GGACT: variants seen among roughly 807,000 people sequenced by gnomAD.
GGACT encodes gamma-glutamylamine cyclotransferase.
For missense variants in GGACT, 241 were observed against 233.2 expected (o/e 1.03, Z -0.22); for synonymous variants, 118 against 115.3 (o/e 1.02, Z -0.15).
Position 100,562,671 on chromosome 13 carries a change from C to T in GGACT, c.-11+21154G>A, listed in dbSNP as rs935034241. 3.3e-5 allele frequency among the ~76,000 whole-genome samples: 5 copies of T among 151,928 alleles called. No individual in the cohort carries two copies. In the South Asian group the frequency reaches 6.2e-4, roughly 19 times the overall value. On this transcript the variant is annotated intron_variant, in intron 2 of 2. Transcript: ENST00000683975. ...ATTAGCCAGGCATGGTGGTGCATGC[C>T]GGTAATCCCAGCTACTTGGGAGGCT...
intron 2 of GGACT, among the ~76,000 whole-genome samples, chr13:100,576,865 C>T (rs1462274927): frequency 6.6e-6 from 1 of 152,086 alleles, no homozygotes; most frequent in Non-Finnish European, 1.5e-5. Context: ...GTACAAGAAT[C>T]CACACATTTT....
At chr13:100,582,184 T>C (rs1432557197) in intron 2 of GGACT, among the ~76,000 whole-genome samples, 1 of 152,182 alleles carries the variant, frequency 6.6e-6, no homozygotes, top group Non-Finnish European at 1.5e-5. Flanking sequence ...TTAAAACAGC[T>C]AACCAGGGCT....
intron 2 of GGACT, among the ~76,000 whole-genome samples, chr13:100,580,742 G>A (rs767369477): frequency 3.9e-5 from 6 of 152,172 alleles, no homozygotes; most frequent in Non-Finnish European, 7.3e-5. Flanking sequence ...TCTGCACCCT[G>A]TAGATCTGAC....
intron 2 of GGACT, among the ~76,000 whole-genome samples, chr13:100,581,818 T>C (rs1377923775): frequency 1.3e-5 from 2 of 152,196 alleles, no homozygotes. Flanking sequence ...CTTGATACGA[T>C]GTAGCAAAAA....
Position 100,530,558 on chromosome 13 carries a change from T to C in GGACT, c.*1572A>G, listed in dbSNP as rs916608590. The stretch of plus-strand genomic sequence containing the variant: ...TTGATATAAATGTCAGTCAGTTCTC[T>C]GCCTTGCTTTATTAAATTAGCACTT... On this transcript the variant is annotated 3_prime_UTR_variant, in exon 3 of 3. Coordinates refer to ENST00000683975, the MANE Select transcript of GGACT (RefSeq NM_001195087.2). 10 of 314,500 alleles carry C rather than the reference T, an allele frequency of 3.2e-5. No homozygotes were observed. The highest frequency in any genetic ancestry group is 2.0e-4 in the African/African-American group (9 of 46,054). The allele number at this position is 314,500 out of a possible 1,614,324, so 19.5% of individuals were successfully genotyped here. A position where few individuals can be genotyped will look rare whatever the true frequency, so the allele number is the denominator to read the frequency against.
intron 2 of GGACT, among the ~76,000 whole-genome samples, chr13:100,552,506 G>T (rs1307344597): frequency 2.0e-5 from 3 of 152,214 alleles, no homozygotes; most frequent in African/African-American, 7.2e-5. Context: ...ATTCTGAGAT[G>T]TCAAGACGGT....
intron 2 of GGACT, among the ~76,000 whole-genome samples, chr13:100,577,261 C>T (rs553315211): frequency 1.3e-5 from 2 of 151,954 alleles, no homozygotes; most frequent in South Asian, 4.2e-4. Flanking sequence ...ACTATAAATA[C>T]AAAAATTAGC....
chr13:100,532,659 T>A, intron 2 of GGACT, 58 bp from the exon 3 acceptor site: 1 of 1,374,364 alleles, frequency 7.3e-7, no homozygotes. Context: ...TGTCTGCACC[T>A]GGGACGTGGC....
Position 100,545,922 on chromosome 13 carries a change from C to T in GGACT, c.-10-13321G>A, listed in dbSNP as rs2088599608. 2.0e-5 allele frequency among the ~76,000 whole-genome samples: 3 copies of T among 152,240 alleles called. No individual in the cohort carries two copies. The highest frequency in any genetic ancestry group is 7.2e-5 in the African/African-American group (3 of 41,468). ...AGCCAACCACATACTCGGAAAATGA[C>T]ACAGAAAGCCAGGGCAACCTGCTGG... On this transcript the variant is annotated intron_variant, in intron 2 of 2. Coordinates refer to ENST00000683975, the MANE Select transcript of GGACT (RefSeq NM_001195087.2). This position sits in a 1 kb window ranked among gnomAD's most constrained non-coding sequence, Gnocchi z 4.4.
intron 2 of GGACT, among the ~76,000 whole-genome samples, chr13:100,559,273 C>T (rs552455166): frequency 3.3e-5 from 5 of 151,980 alleles, no homozygotes; most frequent in South Asian, 2.1e-4. Context: ...CTGCAACCTC[C>T]GCCTCCCTGG....
chr13:100,532,224 G>A lies in GGACT; in HGVS notation c.368C>T (p.Thr123Ile), dbSNP rs545940682. The A allele has an allele frequency of 7.4e-5, 110 of 1,487,716 alleles. No homozygotes were observed. In the African/African-American group the frequency reaches 1.4e-3, roughly 19 times the overall value. The allele number at this position is 1,487,716 out of a possible 1,614,324, so 92.2% of individuals were successfully genotyped here. Residue 123 changes from threonine (T) to isoleucine (I), a missense_variant, in exon 3 of 3, where the codon ACC becomes ATC. Physicochemically the swap from Thr to Ile is moderately conservative, Grantham distance 89. Transcript: ENST00000683975. ...AVQCFVYSRA[T>I]FPPEWAQLPH... ...GAGCTGGGCCCACTCCGGCGGGAAG[G>A]TGGCCCTGCTGTACACGAAGCACTG...
intron 1 of GGACT, among the ~76,000 whole-genome samples, chr13:100,587,824 G>A (rs751934599): frequency 8.5e-5 from 13 of 152,162 alleles, no homozygotes; most frequent in Non-Finnish European, 1.5e-4. Flanking sequence ...TCAGGAGTTC[G>A]AGACCAGCCT....
intron 2 of GGACT, chr13:100,539,058 T>A (rs540573838): frequency 3.9e-5 from 6 of 152,396 alleles, no homozygotes; most frequent in African/African-American, 1.4e-4. Flanking sequence ...GTGTGAATTT[T>A]GTCTCCTGCA....
chr13:100,581,763 C>G (rs1875426105), intron 2 of GGACT, among the ~76,000 whole-genome samples: 1 of 152,156 alleles, frequency 6.6e-6, no homozygotes, highest in South Asian at 2.1e-4. Flanking sequence ...GTCAGGTAAT[C>G]AAGATCAACA....
chr13:100,575,137 C>T (rs543939611), intron 2 of GGACT, among the ~76,000 whole-genome samples: 4 of 152,272 alleles, frequency 2.6e-5, no homozygotes, highest in South Asian at 4.2e-4. Context: ...TATATGCTAA[C>T]GTTCTTCCAA....
intron 2 of GGACT, among the ~76,000 whole-genome samples, chr13:100,552,641 G>A (rs1358010858): frequency 1.3e-5 from 2 of 152,192 alleles, no homozygotes; most frequent in Non-Finnish European, 2.9e-5. Context: ...AAGGCCAGGA[G>A]TGCCTGCCAG....
Position 100,583,852 on chromosome 13 carries a change from T to A in GGACT, c.-38A>T, listed in dbSNP as rs979985661. On this transcript the variant is annotated 5_prime_UTR_variant, in exon 2 of 3. Coordinates refer to ENST00000683975, the MANE Select transcript of GGACT (RefSeq NM_001195087.2). Reference sequence around the variant, plus strand: ...GTAAGCTTGTTTCTTCAAGGAAGTGTTGCCTTAGAATCCAGATCCACAGTA... The same window carrying A: ...GTAAGCTTGTTTCTTCAAGGAAGTGATGCCTTAGAATCCAGATCCACAGTA... The A allele has an allele frequency of 6.6e-6, 1 of 152,222 alleles. No individual in the cohort carries two copies. The highest frequency in any genetic ancestry group is 2.4e-5 in the African/African-American group (1 of 41,446). 9.4% of individuals were successfully genotyped at this position (152,222 alleles called of 1,614,324 possible).
chr13:100,544,730 T>TA (rs1441262917), intron 2 of GGACT, among the ~76,000 whole-genome samples: 2 of 152,222 alleles, frequency 1.3e-5, no homozygotes, highest in Non-Finnish European at 2.9e-5. Flanking sequence ...CAAATATAAA[T>TA]AACGATTTTT....
chr13:100,542,574 T>C (rs1191068539), intron 2 of GGACT, among the ~76,000 whole-genome samples: 1 of 152,194 alleles, frequency 6.6e-6, no homozygotes, highest in East Asian at 1.9e-4. Context: ...ACTGAACATC[T>C]CTGCAGATGT....
Sources: gnomAD v4.1 joint callset for allele counts (sites outside exome capture counted in the v4.1 genomes callset) on GRCh38, gnomAD v4.1.1 for gene constraint, Gnocchi (gnomAD v3.1) non-coding constraint, MANE v1.5 for transcripts, NCBI Gene and HGNC (gene_info 2026-07-23, HGNC 2026-07-21) for gene names.